ZNF701: variants seen among roughly 807,000 people sequenced by gnomAD.
The protein encoded by ZNF701 is zinc finger protein 701.
A neutral mutation model predicts 7.1 loss-of-function variants in ZNF701; 6 were observed. That is an observed-to-expected ratio of 0.84 (90% CI 0.46 to 1.66). The LOEUF is 1.66. ZNF701 is among the 40% of genes most tolerant of loss of function. The probability of loss-of-function intolerance (pLI) is 0.01; values close to 1 mark genes in which losing one functional copy is unlikely to be tolerated. For synonymous variants in ZNF701, 166 were observed against 188.2 expected, an observed-to-expected ratio of 0.88 and a Z score of 0.97; for missense variants, 541 against 559.2, an observed-to-expected ratio of 0.97 and a Z score of 0.33.
rs1455214187 is a variant in ZNF701 at position 52,583,893 on chromosome 19, A to G, written c.*436A>G. On this transcript the variant is annotated 3_prime_UTR_variant, in exon 4 of 4. Coordinates refer to ENST00000391785, the MANE Select transcript of ZNF701 (RefSeq NM_018260.3). ...TCTTACAAGTGTAATAAATGTGGCA[A>G]GTTTTTCAGACATCATTCATAACTT... 2.3e-6 allele frequency: 1 copy of G among 437,792 alleles called. No individual in the cohort carries two copies. The highest frequency in any genetic ancestry group is 3.0e-5 in the Admixed American group (1 of 33,066). The allele number at this position is 437,792 out of a possible 1,614,324, so 27.1% of individuals were successfully genotyped here. A position where few individuals can be genotyped will look rare whatever the true frequency, so the allele number is the denominator to read the frequency against.
At chr19:52,592,334 G>A in the ZNF701 span, 4 of 1,219,510 alleles carry the variant, frequency 3.3e-6, no homozygotes, top group South Asian at 5.6e-5. Flanking sequence ...TGCTTTTCAT[G>A]TACATGTCAT....
intron 1 of ZNF701, among the ~76,000 whole-genome samples, chr19:52,573,424 A>G (rs1455853584): frequency 1.3e-5 from 2 of 152,054 alleles, no homozygotes; most frequent in East Asian, 3.9e-4. Context: ...TTTAGTAGAT[A>G]TGGGGTTTCA....
the ZNF701 span, among the ~76,000 whole-genome samples, chr19:52,593,739 A>G: frequency 9.1e-6 from 1 of 109,608 alleles, no homozygotes; most frequent in African/African-American, 3.6e-5. Flanking sequence ...CCGGGCAGAG[A>G]CGCTCCTCAC....
chr19:52,574,001 C>T lies in ZNF701; in HGVS notation c.-71-76C>T. On this transcript the variant is annotated intron_variant, in intron 1 of 3. Coordinates refer to ENST00000391785, the MANE Select transcript of ZNF701 (RefSeq NM_018260.3). ...CCATATTTTTTCAGAGTGAGGGCAC[C>T]TTTGTATGTGTCATTGTGTTACAGG... 4 of 1,475,448 alleles carry T rather than the reference C, an allele frequency of 2.7e-6. No individual in the cohort carries two copies. In the South Asian group the frequency reaches 3.5e-5, roughly 13 times the overall value. The allele number at this position is 1,475,448 out of a possible 1,614,324, so 91.4% of individuals were successfully genotyped here.
At chr19:52,573,745 G>C (rs1231427328) in intron 1 of ZNF701, among the ~76,000 whole-genome samples, 1 of 152,124 alleles carries the variant, frequency 6.6e-6, no homozygotes, top group Non-Finnish European at 1.5e-5. Context: ...TCAAACTCCT[G>C]AGCTCAAGCG....
At chr19:52,572,574 T>A in intron 1 of ZNF701, 1 of 375,956 alleles carries the variant, frequency 2.7e-6, no homozygotes, top group Non-Finnish European at 4.9e-6. Flanking sequence ...GGCCACCATG[T>A]AAGAATTCCG....
intron 3 of ZNF701, among the ~76,000 whole-genome samples, chr19:52,577,057 T>G (rs189284599): frequency 7.4e-4 from 113 of 152,298 alleles, no homozygotes; most frequent in Middle Eastern, 3.4e-3. Context: ...ATCTCTGAAA[T>G]GACATCTTTC....
intron 2 of ZNF701, 121 bp downstream of exon 2, chr19:52,574,283 C>A: frequency 6.8e-7 from 1 of 1,464,362 alleles, no homozygotes; most frequent in Non-Finnish European, 9.5e-7. Flanking sequence ...ACACTCAACT[C>A]ATGCCTTCCC....
At chr19:52,571,896 T>C (rs2059902885) in intron 1 of ZNF701, among the ~76,000 whole-genome samples, 1 of 152,062 alleles carries the variant, frequency 6.6e-6, no homozygotes, top group Non-Finnish European at 1.5e-5. Flanking sequence ...CGATCTCGGC[T>C]CACTGCAACC....
the ZNF701 span, chr19:52,597,686 A>G: frequency 6.5e-6 from 2 of 307,166 alleles, no homozygotes; most frequent in South Asian, 6.0e-5. Flanking sequence ...TAGAAGGGGC[A>G]GGGCCTTGAA....
chr19:52,588,352 A>G (rs2147003649), downstream of ZNF701, among the ~76,000 whole-genome samples: 1 of 152,090 alleles, frequency 6.6e-6, no homozygotes, highest in Non-Finnish European at 1.5e-5. Context: ...TGGGCCTGGC[A>G]GCGCATGCCT....
At position 52,579,122 on chromosome 19, in the gene ZNF701, CAT is replaced by C. The variant is rs1452333405; in HGVS notation, c.143-3075_143-3074del. Among the ~76,000 whole-genome samples the C allele has an allele frequency of 3.5e-5, 5 of 143,624 alleles. 1 individual carries two copies. In the East Asian group the frequency reaches 9.7e-4, roughly 28 times the overall value. The allele number at this position is 143,624 out of a possible 152,430, so 94.2% of individuals were successfully genotyped here. On this transcript the variant is annotated intron_variant, in intron 3 of 3. Transcript: ENST00000391785. ...AAAAAGGCATGAAAAAAACACTGTA[CAT>C]ATATGTTACCAGAAATGCAACATAC...
At position 52,584,330 on chromosome 19, in the gene ZNF701, T is replaced by TTA; in HGVS notation, c.*873_*874insTA. ...TTAATTGACATTAAAGTGTTTATGT[T>TTA]AAGAGGATTGGGCCAGGCGTGTGGC... On this transcript the variant is annotated 3_prime_UTR_variant, in exon 4 of 4. Transcript: ENST00000391785. The TTA allele has an allele frequency of 5.2e-6, 1 of 190,906 alleles. No individual in the cohort carries two copies. The highest frequency in any genetic ancestry group is 1.1e-5 in the Non-Finnish European group (1 of 91,070). The allele number at this position is 190,906 out of a possible 1,614,324, so 11.8% of individuals were successfully genotyped here.
In ZNF701 at chr19:52,586,833, T is replaced by C. The variant is rs1250588639; in HGVS notation, c.*3376T>C. ...GACAGGGAGGTATTTAGTTGTAGTT[T>C]GAACTTTAAAGGATTCCAGTCCTCC... On this transcript the variant is annotated 3_prime_UTR_variant, in exon 4 of 4. Coordinates refer to ENST00000391785, the MANE Select transcript of ZNF701 (RefSeq NM_018260.3). The C allele has an allele frequency of 6.6e-6, 1 of 152,144 alleles. No homozygotes were observed. The highest frequency in any genetic ancestry group is 1.5e-5 in the Non-Finnish European group (1 of 68,030). The allele number at this position is 152,144 out of a possible 1,614,324, so 9.4% of individuals were successfully genotyped here. A position where few individuals can be genotyped will look rare whatever the true frequency, so the allele number is the denominator to read the frequency against.
intron 2 of ZNF701, chr19:52,575,588 C>T: frequency 2.8e-6 from 1 of 351,580 alleles, no homozygotes; most frequent in South Asian, 2.2e-5. Context: ...GAAACCTCCA[C>T]CATCAAGGTC....
At position 52,582,460 on chromosome 19, in the gene ZNF701, A is replaced by G; in HGVS notation, c.401A>G (p.Lys134Arg). Residue 134 changes from lysine (K) to arginine (R), a missense_variant, in exon 4 of 4, where the codon AAA (lysine) becomes AGA (arginine). By Grantham distance (26) the Lys-to-Arg change is conservative. Coordinates refer to ENST00000391785, the MANE Select transcript of ZNF701 (RefSeq NM_018260.3). Reference protein sequence around the residue: ...ERHDQRHAGNKPIKNELGSSF... With the variant: ...ERHDQRHAGNRPIKNELGSSF... ...CATGATCAAAGGCATGCTGGAAACA[A>G]ACCTATTAAAAATGAGCTTGGATCA... 1 of 1,614,216 alleles carries G rather than the reference A, an allele frequency of 6.2e-7. No individual in the cohort carries two copies. Among genetic ancestry groups the G allele is most frequent in the Non-Finnish European group, 8.5e-7 (1 of 1,180,032 alleles).
At chr19:52,572,881 G>A (rs1324606212) in intron 1 of ZNF701, among the ~76,000 whole-genome samples, 3 of 152,016 alleles carry the variant, frequency 2.0e-5, no homozygotes, top group East Asian at 1.9e-4. Context: ...AACCCTTCCC[G>A]TCTCAGGTCA....
rs762670386 is a variant in ZNF701, at chr19:52,583,253, A to C, written c.1194A>C (p.Val398=). The C allele has an allele frequency of 6.2e-7, 1 of 1,610,092 alleles. No homozygotes were observed. The highest frequency in any genetic ancestry group is 8.5e-7 in the Non-Finnish European group (1 of 1,177,104). ...GKTFVQNSSL[V]MHKVIHTGEK... is the part of the protein sequence containing the mutation. ...CCTTTGTTCAAAATTCATCTCTTGT[A>C]ATGCATAAGGTCATTCATACTGGAG... is the stretch of plus-strand genomic sequence containing the variant. Residue 398 remains valine (V), a synonymous_variant, in exon 4 of 4, where the codon GTA becomes GTC. Transcript: ENST00000391785.
At chr19:52,572,776 C>T in intron 1 of ZNF701, 4 of 393,574 alleles carry the variant, frequency 1.0e-5, no homozygotes, top group South Asian at 5.8e-5. Flanking sequence ...GTCCAGGGCC[C>T]CTGCCACTGT....
Sources: allele counts gnomAD v4.1 joint callset (sites outside exome capture counted in the v4.1 genomes callset), GRCh38; gene constraint gnomAD v4.1.1; transcripts MANE v1.5; gene names NCBI Gene and HGNC (gene_info 2026-07-23, HGNC 2026-07-21).